The following NFKB1 variants were observed in gnomAD, a reference collection of about 807,000 sequenced individuals.
The protein encoded by NFKB1 is nuclear factor NF-kappa-B p105 subunit.
Under a neutral mutation model 105.1 loss-of-function variants are expected in NFKB1, and 9 were observed. The ratio of observed to expected loss-of-function variants is 0.09; its 90% CI spans 0.05 to 0.15. The LOEUF is 0.15. NFKB1 is among the 10% of genes least tolerant of loss of function. NFKB1 has a pLI of 1.00. For synonymous variants in NFKB1, 440 were observed against 442.2 expected (o/e 1.00, Z 0.06); for missense variants, 830 against 1,203.7 (o/e 0.69, Z 4.59).
At chr4:102,585,992 G>A (rs1725681406) in intron 11 of NFKB1, among the ~76,000 whole-genome samples, 1 of 152,174 alleles carries the variant, frequency 6.6e-6, no homozygotes, top group African/African-American at 2.4e-5. Flanking sequence ...GGCAGCTTAA[G>A]AATTTTGCAT....
intron 22 of NFKB1, 136 bp from the exon 23 acceptor site, chr4:102,613,289 T>G (rs1348299382): frequency 1.2e-6 from 1 of 852,016 alleles, no homozygotes; most frequent in Non-Finnish European, 1.8e-6. Flanking sequence ...GTCGCTCTTC[T>G]CTGCCCTTTC....
At chr4:102,581,182 C>T (rs181754436) in intron 9 of NFKB1, among the ~76,000 whole-genome samples, 92 of 152,190 alleles carry the variant, frequency 6.0e-4, no homozygotes, top group Admixed American at 7.9e-4. Flanking sequence ...AGGTTCTTGG[C>T]GTTTATCTTT....
intron 11 of NFKB1, among the ~76,000 whole-genome samples, chr4:102,592,916 C>G (rs1378811871): frequency 6.6e-6 from 1 of 152,110 alleles, no homozygotes; most frequent in African/African-American, 2.4e-5. Context: ...AATGTATGTC[C>G]TGTTATAGTG....
chr4:102,611,998 G>C, intron 20 of NFKB1, 46 bp from the exon 21 acceptor site: 5 of 1,487,348 alleles, frequency 3.4e-6, no homozygotes, highest in Non-Finnish European at 4.7e-6. Flanking sequence ...CTGCCCTAGT[G>C]GTCCCTTCGA....
chr4:102,594,611 C>T (rs1165793152), intron 12 of NFKB1, among the ~76,000 whole-genome samples: 1 of 152,148 alleles, frequency 6.6e-6, no homozygotes, highest in Non-Finnish European at 1.5e-5. Context: ...TCACTATTAG[C>T]CTCTCCCCTT....
At chr4:102,585,031 G>A (rs1005575429) in intron 11 of NFKB1, among the ~76,000 whole-genome samples, 18 of 151,630 alleles carry the variant, frequency 1.2e-4, no homozygotes, top group African/African-American at 2.2e-4. Context: ...ACAGGTGTGC[G>A]CCACCATGCC....
intron 12 of NFKB1, 97 bp downstream of exon 12, chr4:102,593,665 TATG>T: frequency 8.3e-7 from 1 of 1,203,832 alleles, no homozygotes; most frequent in Non-Finnish European, 1.1e-6. Flanking sequence ...GTTGAGTGGC[TATG>T]ATATTATTGA....
At chr4:102,613,604 G>C (rs181544773) in intron 23 of NFKB1, 23 bp downstream of exon 23, 1 of 1,605,864 alleles carries the variant, frequency 6.2e-7, no homozygotes, top group Non-Finnish European at 8.5e-7. Context: ...ACAAAAGACA[G>C]TGGAGATATT....
chr4:102,612,334 TC>T, intron 21 of NFKB1, 99 bp from the exon 22 acceptor site: 2 of 1,304,938 alleles, frequency 1.5e-6, no homozygotes, highest in Admixed American at 3.9e-5. Flanking sequence ...CTTGGTTGGT[TC>T]CACTGGGAGT....
At chr4:102,544,776 CAG>C (rs1722009970) in intron 5 of NFKB1, among the ~76,000 whole-genome samples, 1 of 152,154 alleles carries the variant, frequency 6.6e-6, no homozygotes, top group Non-Finnish European at 1.5e-5. Flanking sequence ...ACCTATCACA[CAG>C]ATAATAGCTG....
chr4:102,522,341 T>C (rs1336521092), intron 1 of NFKB1, among the ~76,000 whole-genome samples: 4 of 152,222 alleles, frequency 2.6e-5, no homozygotes, highest in Non-Finnish European at 5.9e-5. Flanking sequence ...CAGTGAACTG[T>C]ATTGCAAAGG....
rs992924601 is a variant in NFKB1, at chr4:102,501,420, G to A, written c.-376G>A. The A allele has an allele frequency of 6.6e-6, 1 of 151,144 alleles. No individual in the cohort carries two copies. The highest frequency in any genetic ancestry group is 1.5e-5 in the Non-Finnish European group (1 of 67,676). 9.4% of individuals were successfully genotyped at this position (151,144 alleles called of 1,614,324 possible). ...TTCGCCACCGGAGCGGCCCGGCGAC[G>A]CGCTGACAGCTTCCCCTGCCCTTCC... On this transcript the variant is annotated 5_prime_UTR_variant, in exon 1 of 24. Coordinates refer to ENST00000226574, the MANE Select transcript of NFKB1 (RefSeq NM_003998.4).
chr4:102,520,903 GA>G (rs1350977400), intron 1 of NFKB1, among the ~76,000 whole-genome samples: 1 of 151,976 alleles, frequency 6.6e-6, no homozygotes, highest in Non-Finnish European at 1.5e-5. Context: ...TTAAATTCAG[GA>G]GAGATTTAAA....
intron 1 of NFKB1, among the ~76,000 whole-genome samples, chr4:102,506,697 C>T (rs1002875479): frequency 6.6e-6 from 1 of 152,076 alleles, no homozygotes; most frequent in Non-Finnish European, 1.5e-5. Context: ...GTCCTAGTGT[C>T]ATTGTGCCCC....
chr4:102,569,437 T>G (rs1163674844), intron 6 of NFKB1, among the ~76,000 whole-genome samples: 1 of 152,138 alleles, frequency 6.6e-6, no homozygotes, highest in Non-Finnish European at 1.5e-5. Flanking sequence ...CACACACATA[T>G]TTATGGTATG....
At chr4:102,610,988 T>G (rs1246556818) in intron 20 of NFKB1, among the ~76,000 whole-genome samples, 2 of 152,212 alleles carry the variant, frequency 1.3e-5, no homozygotes, top group Non-Finnish European at 2.9e-5. Context: ...CCATTCCAAA[T>G]TCACACCATA....
intron 1 of NFKB1, among the ~76,000 whole-genome samples, chr4:102,521,787 C>G (rs1388529592): frequency 6.6e-6 from 1 of 152,140 alleles, no homozygotes; most frequent in Non-Finnish European, 1.5e-5. Flanking sequence ...CATTGTCACA[C>G]AGGTTCAGAA....
At chr4:102,597,455 A>T in intron 14 of NFKB1, 65 bp from the exon 15 acceptor site, 2 of 1,508,310 alleles carry the variant, frequency 1.3e-6, no homozygotes, top group Non-Finnish European at 1.8e-6. Flanking sequence ...TTTGTCCTTA[A>T]GCATGCCATA....
At chr4:102,503,600 C>T (rs1739228297) in intron 1 of NFKB1, 1 of 151,994 alleles carries the variant, frequency 6.6e-6, no homozygotes, top group African/African-American at 2.4e-5. Flanking sequence ...AGTAAATGCC[C>T]GTGTTTTTCA....
Sources: allele counts gnomAD v4.1 joint callset (sites outside exome capture counted in the v4.1 genomes callset), GRCh38; gene constraint gnomAD v4.1.1; transcripts MANE v1.5; gene names NCBI Gene and HGNC (gene_info 2026-07-23, HGNC 2026-07-21).